The following MIB2 variants were observed in gnomAD, a reference collection of about 807,000 sequenced individuals.
MIB2 encodes the protein MIB E3 ubiquitin protein ligase 2, also known as E3 ubiquitin-protein ligase MIB2.
Under a neutral mutation model 96.6 loss-of-function variants are expected in MIB2, and 78 were observed. The observed-to-expected ratio is 0.81, with a 90% CI of 0.67 to 0.97. The LOEUF is 0.97. Ranked by LOEUF, MIB2 falls within the 50% of genes least tolerant of loss-of-function variation. MIB2 has a pLI of 0.00. For missense variants in MIB2, 1,543 were observed against 1,424.0 expected, an observed-to-expected ratio of 1.08 and a Z score of -1.35; for synonymous variants, 820 against 629.5, an observed-to-expected ratio of 1.30 and a Z score of -4.53.
intron 2 of MIB2, chr1:1,623,157 C>T: frequency 3.8e-6 from 2 of 522,410 alleles, no homozygotes; most frequent in Non-Finnish European, 6.6e-6. Flanking sequence ...TTTCATGAAG[C>T]CCCCGGGGCC....
At chr1:1,620,422 C>T (rs921912808) in intron 2 of MIB2, among the ~76,000 whole-genome samples, 2 of 152,206 alleles carry the variant, frequency 1.3e-5, no homozygotes, top group African/African-American at 2.4e-5. Flanking sequence ...TGTGATGAGC[C>T]CTGCTCTGGC....
Position 1,629,298 on chromosome 1 carries a change from G to C in MIB2, c.2368G>C (p.Ala790Pro). The C allele has an allele frequency of 1.3e-6, 2 of 1,508,516 alleles. No individual in the cohort carries two copies. Among genetic ancestry groups the C allele is most frequent in the Non-Finnish European group, 1.7e-6 (2 of 1,143,934 alleles). 93.4% of individuals were successfully genotyped at this position (1,508,516 alleles called of 1,614,324 possible). ...GRVLKALQGCAQRFRERQAGG... is the reference protein window; with the variant it reads ...GRVLKALQGCPQRFRERQAGG... ...CGTGCTCAAGGCCCTTCAGGGCTGC[G>C]CCCAGCGCTTCCGGTGAGTCCGTGG... is the stretch of plus-strand genomic sequence containing the variant. The change falls in exon 17 of 20, where the codon GCC (alanine) becomes CCC (proline). Residue 790 changes from alanine (A) to proline (P), a missense_variant. Ala to Pro is a conservative substitution (Grantham distance 27, BLOSUM62 -1). Transcript: ENST00000355826.
In MIB2 at chr1:1,623,877, G is replaced by C; in HGVS notation, c.351G>C (p.Gln117His). 1 of 1,612,118 alleles carries C rather than the reference G, an allele frequency of 6.2e-7. No individual in the cohort carries two copies. The highest frequency in any genetic ancestry group is 8.5e-7 in the Non-Finnish European group (1 of 1,179,586). Residue 117 changes from glutamine (Q) to histidine (H), a missense_variant, in exon 4 of 20, where the codon CAG becomes CAC. Gln to His is a conservative substitution (Grantham distance 24, BLOSUM62 0). Coordinates refer to ENST00000355826, the MANE Select transcript of MIB2 (RefSeq NM_001170687.4). ...GCCTGGACTACGACCTCTGCACGCA[G>C]TGCTACATGCACAACAAGCATGAGC... ...RVCLDYDLCT[Q>H]CYMHNKHELA...
chr1:1,627,977 G>A, intron 13 of MIB2, 42 bp from the exon 14 acceptor site: 1 of 1,609,714 alleles, frequency 6.2e-7, no homozygotes, highest in South Asian at 1.1e-5. Context: ...CTTGACCCAA[G>A]CAGAAGTCAC....
intron 2 of MIB2, among the ~76,000 whole-genome samples, chr1:1,620,451 A>C (rs1336256959): frequency 6.6e-6 from 1 of 152,160 alleles, no homozygotes; most frequent in Non-Finnish European, 1.5e-5. Flanking sequence ...GGTGTTTGGC[A>C]GGGAGGAGTC....
In MIB2 at chr1:1,625,851, G is replaced by A. The variant is rs1644708827; in HGVS notation, c.972+198G>A. On this transcript the variant is annotated intron_variant, in intron 8 of 19. Coordinates refer to ENST00000355826, the MANE Select transcript of MIB2 (RefSeq NM_001170687.4). The surrounding 1 kb of genome is among the most constrained non-coding windows in gnomAD (Gnocchi z 5.0). Reference sequence around the variant, plus strand: ...AGGGGGTTGGGTGTGAAGGAACCCAGAGGAGGGTATGTCTCTGGGAGCTGG... The same window carrying A: ...AGGGGGTTGGGTGTGAAGGAACCCAAAGGAGGGTATGTCTCTGGGAGCTGG... The A allele has an allele frequency of 1.7e-6, 1 of 593,610 alleles. No individual in the cohort carries two copies. The highest frequency in any genetic ancestry group is 1.9e-5 in the African/African-American group (1 of 53,672). 36.8% of individuals were successfully genotyped at this position (593,610 alleles called of 1,614,324 possible). A position where few individuals can be genotyped will look rare whatever the true frequency, so the allele number is the denominator to read the frequency against.
chr1:1,614,783 T>G (rs925748998), upstream of MIB2: 6 of 152,188 alleles, frequency 3.9e-5, no homozygotes, highest in African/African-American at 1.4e-4. Context: ...TTGGGAGCCC[T>G]AGGAGGGCAG....
chr1:1,615,411 A>G, upstream of MIB2: 2 of 1,463,572 alleles, frequency 1.4e-6, no homozygotes, highest in Non-Finnish European at 1.8e-6. Context: ...CTCCCGCGTG[A>G]CGCACTTCCG....
chr1:1,625,640 G>T lies in MIB2; in HGVS notation c.959G>T (p.Gly320Val). The T allele has an allele frequency of 6.4e-7, 1 of 1,561,482 alleles. No individual in the cohort carries two copies. The highest frequency in any genetic ancestry group is 8.7e-7 in the Non-Finnish European group (1 of 1,153,086). The change falls in exon 8 of 20, where the codon GGG (glycine) becomes GTG (valine). Residue 320 changes from glycine (G) to valine (V), a missense_variant. Transcript: ENST00000355826. The surrounding 1 kb of genome is among the most constrained non-coding windows in gnomAD (Gnocchi z 5.0). ...GAGACGCGCTGGACCTTCCACCCCG[G>T]GGCGCTCACCAAGGTGCCGGGGGGG... ...NHETRWTFHP[G>V]ALTKHHSFWV...
rs746110709 is a variant in MIB2 at position 1,623,698 on chromosome 1, C to T, written c.246C>T (p.Ile82=). Residue 82 remains isoleucine (I), a splice_region_variant and synonymous_variant, in exon 3 of 20, where the codon ATC becomes ATT. Transcript: ENST00000355826. ...TGCTGCTGTACGACAACGCCCAGAT[C>T]GGTGCGCGCCAAGGGCAGGCGGGAC... The part of the protein sequence containing the change: ...HDLLLYDNAQ[I]GVRHPNIICD... 29 of 1,514,700 alleles carry T rather than the reference C, an allele frequency of 1.9e-5. No individual in the cohort carries two copies. The highest frequency in any genetic ancestry group is 5.1e-5 in the South Asian group (4 of 77,984). 93.8% of individuals were successfully genotyped at this position (1,514,700 alleles called of 1,614,324 possible).
At position 1,624,995 on chromosome 1, in the gene MIB2, G is replaced by A. The variant is rs1644604271; in HGVS notation, c.531G>A (p.Gly177=). The change falls in exon 6 of 20, where the codon GGG becomes GGA. Residue 177 remains glycine (G), a synonymous_variant. Coordinates refer to ENST00000355826, the MANE Select transcript of MIB2 (RefSeq NM_001170687.4). ...PDWEWGSQDG[G]EGKPGRVVDI... ...TGGGGGGGCCTCTTTCCCCAGGAGGGGAAGGGAAACCGGGCCGTGTGGTGG... is the reference window on the plus strand; with the variant it reads ...TGGGGGGGCCTCTTTCCCCAGGAGGAGAAGGGAAACCGGGCCGTGTGGTGG... The A allele has an allele frequency of 6.2e-7, 1 of 1,611,196 alleles. No individual in the cohort carries two copies.
chr1:1,630,477 G>C lies in MIB2; in HGVS notation c.2815G>C (p.Ala939Pro). The change falls in exon 20 of 20, where the codon GCC (alanine) becomes CCC (proline). Residue 939 changes from alanine (A) to proline (P), a missense_variant. By Grantham distance (27) the Ala-to-Pro change is conservative. Transcript: ENST00000355826. ...ACAPCGSALS[A>P]CPICRQPIRD... ...CGCCCCCTGCGGCTCCGCGCTCAGC[G>C]CCTGCCCCATCTGCCGCCAGCCCAT... The C allele has an allele frequency of 6.3e-7, 1 of 1,593,220 alleles. No individual in the cohort carries two copies. Among genetic ancestry groups the C allele is most frequent in the Non-Finnish European group, 8.5e-7 (1 of 1,174,346 alleles).
chr1:1,623,725 G>C, intron 3 of MIB2, 26 bp downstream of exon 3: 2 of 1,537,384 alleles, frequency 1.3e-6, no homozygotes, highest in Non-Finnish European at 1.8e-6. Context: ...AGGCGGGACG[G>C]GCAGGACCCG....
chr1:1,615,452 G>A (rs777845463), upstream of MIB2: 11 of 1,513,478 alleles, frequency 7.3e-6, no homozygotes, highest in East Asian at 2.5e-5. Flanking sequence ...CGTGGCGGGG[G>A]CGTGGCCATG....
At chr1:1,628,421 G>C (rs1212203379) in intron 15 of MIB2, 22 bp downstream of exon 15, 2 of 1,606,826 alleles carry the variant, frequency 1.2e-6, no homozygotes, top group Non-Finnish European at 1.7e-6. Flanking sequence ...GCCCAGTCCT[G>C]CCCAAGGACC....
chr1:1,621,278 G>C (rs1175590637), intron 2 of MIB2, among the ~76,000 whole-genome samples: 3 of 152,212 alleles, frequency 2.0e-5, no homozygotes, highest in Non-Finnish European at 4.4e-5. Context: ...CGGGGCCTCC[G>C]AGGGCAAGGT....
intron 19 of MIB2, 38 bp downstream of exon 19, chr1:1,629,742 C>A: frequency 2.6e-6 from 4 of 1,535,464 alleles, no homozygotes; most frequent in Non-Finnish European, 2.6e-6. Context: ...GCCTCCTGCT[C>A]AGCTGGTGGC....
chr1:1,625,376 T>C lies in MIB2; in HGVS notation c.812T>C (p.Val271Ala). 1 of 1,589,222 alleles carries C rather than the reference T, an allele frequency of 6.3e-7. No individual in the cohort carries two copies. Among genetic ancestry groups the C allele is most frequent in the Non-Finnish European group, 8.6e-7 (1 of 1,168,582 alleles). Residue 271 changes from valine to alanine, a missense_variant, in exon 7 of 20, where the codon GTC (valine) becomes GCC (alanine). Val to Ala is a moderately conservative substitution (Grantham distance 64). Transcript: ENST00000355826. The surrounding 1 kb of genome is among the most constrained non-coding windows in gnomAD (Gnocchi z 5.0). ...GTCAAGTGTCTGCTGGACACTGATG[T>C]CCTGCGGGAGATGCAGGAAGGCCAC... ...DKVKCLLDTD[V>A]LREMQEGHGG...
Position 1,625,911 on chromosome 1 carries a change from C to G in MIB2, c.972+258C>G. 1.8e-6 allele frequency: 1 copy of G among 548,924 alleles called. No homozygotes were observed. Among genetic ancestry groups the G allele is most frequent in the Non-Finnish European group, 3.3e-6 (1 of 306,542 alleles). The allele number at this position is 548,924 out of a possible 1,614,324, so 34.0% of individuals were successfully genotyped here. A position where few individuals can be genotyped will look rare whatever the true frequency, so the allele number is the denominator to read the frequency against. ...GTTAGGGCCTCCCTCTGTTCCAGGA[C>G]ACCAGGAAGGCAGGACAGCTTCGTG... On this transcript the variant is annotated intron_variant, in intron 8 of 19. Coordinates refer to ENST00000355826, the MANE Select transcript of MIB2 (RefSeq NM_001170687.4). This position sits in a 1 kb window ranked among gnomAD's most constrained non-coding sequence, Gnocchi z 5.0.
Sources: gnomAD v4.1 joint callset for allele counts (sites outside exome capture counted in the v4.1 genomes callset) on GRCh38, gnomAD v4.1.1 for gene constraint, Gnocchi (gnomAD v3.1) non-coding constraint, MANE v1.5 for transcripts, NCBI Gene and HGNC (gene_info 2026-07-23, HGNC 2026-07-21) for gene names.